TTBK2: variants seen among roughly 807,000 people sequenced by gnomAD.
The protein encoded by TTBK2 is tau-tubulin kinase 2.
In TTBK2, 28 loss-of-function variants were observed where a neutral mutation model predicts 110.8. The ratio of observed to expected loss-of-function variants is 0.25; its 90% CI spans 0.19 to 0.35. TTBK2 has a LOEUF of 0.35. Among genes scored for constraint, TTBK2 ranks in the 10% least tolerant of loss-of-function variants. The pLI is 1.00. For synonymous variants in TTBK2, 532 were observed against 527.3 expected (o/e 1.01, Z -0.12); for missense variants, 1,369 against 1,500.3 (o/e 0.91, Z 1.45).
intron 7 of TTBK2, among the ~76,000 whole-genome samples, chr15:42,816,090 ATATATATATATATATAT>A (rs1892007462): frequency 2.1e-5 from 2 of 96,858 alleles, no homozygotes; most frequent in African/African-American, 1.1e-4. Flanking sequence ...AAATAAATAT[ATATATATATATATATAT>A]ATATATATAT....
chr15:42,803,472 C>T (rs1333768977), intron 9 of TTBK2, among the ~76,000 whole-genome samples: 1 of 152,006 alleles, frequency 6.6e-6, no homozygotes, highest in African/African-American at 2.4e-5. Flanking sequence ...GGTTGGCTGC[C>T]CCAGGACCTG....
chr15:42,815,947 T>TA (rs1188195668), intron 7 of TTBK2, among the ~76,000 whole-genome samples: 3,218 of 37,180 alleles, frequency 0.087, 119 homozygotes, highest in African/African-American at 0.14. Context: ...TATATATATA[T>TA]TTAAAAAAAA....
At chr15:42,920,853 G>C (rs374104507), upstream of TTBK2, 1 of 153,024 alleles carries the variant, frequency 6.5e-6, no homozygotes, top group African/African-American at 2.4e-5. Flanking sequence ...TGCCCTGCCA[G>C]CGCGCACGCC....
intron 3 of TTBK2, chr15:42,871,576 A>T: frequency 1.0e-6 from 1 of 985,388 alleles, no homozygotes; most frequent in South Asian, 4.7e-5. Context: ...GCAACCCAGG[A>T]AGATGTAGCT....
intron 6 of TTBK2, among the ~76,000 whole-genome samples, chr15:42,824,551 T>C (rs1328847671): frequency 6.6e-6 from 1 of 152,214 alleles, no homozygotes; most frequent in African/African-American, 2.4e-5. Flanking sequence ...ATGCTTAAAG[T>C]AATATGTCAT....
intron 3 of TTBK2, among the ~76,000 whole-genome samples, chr15:42,842,703 T>C (rs1306938873): frequency 2.7e-5 from 4 of 150,768 alleles, no homozygotes; most frequent in South Asian, 4.2e-4. Flanking sequence ...CTGGGCAACA[T>C]AGCAAGACCC....
chr15:42,815,954 A>ATATATATATATATATATTT (rs1393860735), intron 7 of TTBK2, among the ~76,000 whole-genome samples: 2 of 53,386 alleles, frequency 3.7e-5, no homozygotes, highest in African/African-American at 2.2e-4. Context: ...ATATTTAAAA[A>ATATATATATATATATATTT]AAAAATATAT....
At chr15:42,895,013 C>A (rs1403794255) in intron 1 of TTBK2, among the ~76,000 whole-genome samples, 3 of 152,092 alleles carry the variant, frequency 2.0e-5, no homozygotes, top group Non-Finnish European at 4.4e-5. Context: ...ATTCAATATT[C>A]ATTCATGGTA....
chr15:42,913,101 C>T (rs935757196), intron 1 of TTBK2, among the ~76,000 whole-genome samples: 4 of 136,290 alleles, frequency 2.9e-5, no homozygotes, highest in East Asian at 2.1e-4. Flanking sequence ...GTCCTCAGTC[C>T]GACCTGGGCG....
At chr15:42,814,891 G>T (rs747570766) in intron 7 of TTBK2, among the ~76,000 whole-genome samples, 9 of 152,134 alleles carry the variant, frequency 5.9e-5, no homozygotes, top group Non-Finnish European at 1.2e-4. Context: ...GAGTAACAAA[G>T]AAGCAAGTTA....
At chr15:42,871,766 G>C (rs901525204) in intron 3 of TTBK2, 1 of 188,048 alleles carries the variant, frequency 5.3e-6, no homozygotes, top group Non-Finnish European at 9.9e-6. Flanking sequence ...CTGTTTTCCT[G>C]ATTTACCATG....
At chr15:42,767,809 A>C (rs1468072640) in intron 13 of TTBK2, among the ~76,000 whole-genome samples, 1 of 152,194 alleles carries the variant, frequency 6.6e-6, no homozygotes, top group Non-Finnish European at 1.5e-5. Flanking sequence ...GACACAACAA[A>C]AAAAGAGAAT....
chr15:42,767,990 A>G (rs1423777675), intron 13 of TTBK2, among the ~76,000 whole-genome samples: 1 of 152,262 alleles, frequency 6.6e-6, no homozygotes, highest in East Asian at 1.9e-4. Flanking sequence ...TTCATCACAT[A>G]AACAGAACCA....
At chr15:42,910,318 T>C (rs1347114954) in intron 1 of TTBK2, among the ~76,000 whole-genome samples, 2 of 151,096 alleles carry the variant, frequency 1.3e-5, no homozygotes, top group East Asian at 1.9e-4. Flanking sequence ...AGCAGAAATA[T>C]AGGTTTGCAG....
chr15:42,859,563 C>A (rs761576726), intron 3 of TTBK2, among the ~76,000 whole-genome samples: 5 of 152,102 alleles, frequency 3.3e-5, no homozygotes, highest in Non-Finnish European at 7.4e-5. Flanking sequence ...CACTAAAAAA[C>A]TGAGAACTAA....
chr15:42,843,758 C>CAAAAAAAAAAAAAAAAAAAAA (rs57403388), intron 3 of TTBK2, among the ~76,000 whole-genome samples: 1 of 71,668 alleles, frequency 1.4e-5, no homozygotes, highest in Non-Finnish European at 2.8e-5. Flanking sequence ...GACTTGGTCT[C>CAAAAAAAAAAAAAAAAAAAAA]AAAAAAAAAA....
chr15:42,768,242 A>G, intron 13 of TTBK2, among the ~76,000 whole-genome samples: 1 of 152,236 alleles, frequency 6.6e-6, no homozygotes, highest in Non-Finnish European at 1.5e-5. Flanking sequence ...TATTCAACAT[A>G]GTGTTGGAAG....
chr15:42,856,321 A>T (rs1893938504), intron 3 of TTBK2, among the ~76,000 whole-genome samples: 1 of 152,218 alleles, frequency 6.6e-6, no homozygotes, highest in Non-Finnish European at 1.5e-5. Context: ...GGATGCAATC[A>T]GCCATATCCA....
intron 4 of TTBK2, among the ~76,000 whole-genome samples, chr15:42,838,000 G>C (rs1893062994): frequency 6.6e-6 from 1 of 152,094 alleles, no homozygotes; most frequent in African/African-American, 2.4e-5. Flanking sequence ...CTGAGGTTAG[G>C]AGTTTAATGC....
Sources: allele counts gnomAD v4.1 joint callset (sites outside exome capture counted in the v4.1 genomes callset), GRCh38; gene constraint gnomAD v4.1.1; transcripts MANE v1.5; gene names NCBI Gene and HGNC (gene_info 2026-07-23, HGNC 2026-07-21).